Variants in PKIB observed in about 807,000 individuals in gnomAD.
The protein encoded by PKIB is cAMP-dependent protein kinase inhibitor beta, also known as PKI-beta.
In PKIB, 2 loss-of-function variants were observed where a neutral mutation model predicts 4.5. That is an observed-to-expected ratio of 0.44 (90% confidence interval 0.18 to 1.39). PKIB has a LOEUF of 1.39. Among genes scored for constraint, PKIB ranks in the 40% most tolerant of loss-of-function variants. PKIB has a pLI of 0.27. For missense variants in PKIB, 94 were observed against 92.6 expected (o/e 1.02, Z -0.06); for synonymous variants, 38 against 36.0 (o/e 1.06, Z -0.20).
At chr6:122,695,295 A>G (rs1778527702) in intron 3 of PKIB, among the ~76,000 whole-genome samples, 1 of 152,152 alleles carries the variant, frequency 6.6e-6, no homozygotes, top group African/African-American at 2.4e-5. Flanking sequence ...CCAATGAGAG[A>G]AGTATTTGTT....
chr6:122,509,112 T>G (rs2114576385), intron 2 of PKIB, among the ~76,000 whole-genome samples: 1 of 152,292 alleles, frequency 6.6e-6, no homozygotes, highest in East Asian at 1.9e-4. Flanking sequence ...GAAAAGTTAG[T>G]GTGGATAACT....
intron 3 of PKIB, among the ~76,000 whole-genome samples, chr6:122,704,507 C>CA (rs1342442268): frequency 6.6e-6 from 1 of 151,936 alleles, no homozygotes; most frequent in African/African-American, 2.4e-5. Context: ...TTTCAGTCAT[C>CA]AAAAAACTAT....
intron 2 of PKIB, among the ~76,000 whole-genome samples, chr6:122,575,205 C>G (rs1115331): frequency 0.11 from 17,233 of 152,004 alleles, 1,238 homozygotes; most frequent in East Asian, 0.21. Flanking sequence ...TAAGATATTA[C>G]CTTACTCTTG....
chr6:122,585,661 A>G (rs2114716013), intron 2 of PKIB: 1 of 152,136 alleles, frequency 6.6e-6, no homozygotes, highest in East Asian at 1.9e-4. Flanking sequence ...ATGTAAGTGA[A>G]CACTGCAAAT....
intron 2 of PKIB, among the ~76,000 whole-genome samples, chr6:122,524,294 CTCA>C (rs937627547): frequency 1.4e-5 from 2 of 146,506 alleles, no homozygotes; most frequent in African/African-American, 5.1e-5. Flanking sequence ...CCTTCTCCTC[CTCA>C]TCCTCTTTCT....
intron 2 of PKIB, among the ~76,000 whole-genome samples, chr6:122,654,755 C>A (rs545327459): frequency 2.0e-5 from 3 of 152,246 alleles, no homozygotes; most frequent in African/African-American, 7.2e-5. Flanking sequence ...GAATATATTA[C>A]ACTAGATTTC....
At chr6:122,634,993 A>G (rs912410497) in intron 2 of PKIB, among the ~76,000 whole-genome samples, 2 of 152,116 alleles carry the variant, frequency 1.3e-5, no homozygotes, top group Non-Finnish European at 2.9e-5. Flanking sequence ...TACTTTTATT[A>G]TAAAATAATT....
intron 2 of PKIB, among the ~76,000 whole-genome samples, chr6:122,652,167 GGTCA>G (rs1455399112): frequency 6.6e-6 from 1 of 151,868 alleles, no homozygotes; most frequent in Non-Finnish European, 1.5e-5. Context: ...AATCTGTATG[GGTCA>G]GTCAGGGCTC....
rs549961061 is a variant in PKIB, at chr6:122,474,103, G to A, written c.-337+2062G>A. On this transcript the variant is annotated intron_variant, in intron 1 of 6. Transcript: ENST00000392491. ...AGCTGGGATCGTGCCACTGCACTCC[G>A]GCCTAGGTGATAAGAGCAAAACTCT... Among the ~76,000 whole-genome samples the A allele has an allele frequency of 2.6e-5, 4 of 152,258 alleles. No individual in the cohort carries two copies. In the East Asian group the frequency reaches 5.8e-4, roughly 22 times the overall value.
intron 1 of PKIB, among the ~76,000 whole-genome samples, chr6:122,616,671 A>G (rs892758557): frequency 3.9e-5 from 6 of 151,982 alleles, no homozygotes; most frequent in African/African-American, 1.2e-4. Flanking sequence ...AATGTTTTCA[A>G]TCTGTAGTAG....
At chr6:122,514,903 G>A (rs1487242759) in intron 2 of PKIB, among the ~76,000 whole-genome samples, 1 of 152,192 alleles carries the variant, frequency 6.6e-6, no homozygotes, top group African/African-American at 2.4e-5. Context: ...AACCCATAGA[G>A]TGAAGTTATA....
intron 3 of PKIB, among the ~76,000 whole-genome samples, chr6:122,712,414 A>T (rs187897825): frequency 6.6e-6 from 1 of 152,206 alleles, no homozygotes; most frequent in African/African-American, 2.4e-5. Context: ...ACAGAAAATT[A>T]TATGAAATAA....
intron 2 of PKIB, among the ~76,000 whole-genome samples, chr6:122,573,158 A>G (rs535570596): frequency 2.0e-5 from 3 of 152,326 alleles, no homozygotes; most frequent in East Asian, 1.9e-4. Context: ...GAAAGGACAC[A>G]AGAGAAAAAG....
At chr6:122,688,971 CG>C (rs1407717139) in intron 3 of PKIB, among the ~76,000 whole-genome samples, 2 of 151,728 alleles carry the variant, frequency 1.3e-5, no homozygotes, top group African/African-American at 2.4e-5. Flanking sequence ...TTAGTAGAGA[CG>C]GGGTTTCACC....
chr6:122,710,571 GCTTA>G (rs1478054748), intron 3 of PKIB, among the ~76,000 whole-genome samples: 2 of 152,240 alleles, frequency 1.3e-5, no homozygotes, highest in African/African-American at 4.8e-5. Context: ...TCTGAAATTT[GCTTA>G]CTTATTTTCT....
chr6:122,717,554 G>T, intron 3 of PKIB: 3 of 466,042 alleles, frequency 6.4e-6, no homozygotes, highest in Non-Finnish European at 3.8e-6. Flanking sequence ...TGGCTCATTC[G>T]GCTCAGGGGT....
chr6:122,705,075 A>G (rs139038483), intron 3 of PKIB, among the ~76,000 whole-genome samples: 16 of 152,234 alleles, frequency 1.1e-4, no homozygotes, highest in African/African-American at 3.9e-4. Context: ...TATACCAGAA[A>G]AACACTATAG....
intron 2 of PKIB, among the ~76,000 whole-genome samples, chr6:122,649,695 C>A (rs1776474472): frequency 6.6e-6 from 1 of 152,134 alleles, no homozygotes; most frequent in Non-Finnish European, 1.5e-5. Context: ...TGATGGGCAG[C>A]TTAGATTTCA....
At chr6:122,614,847 C>T (rs1774920349) in intron 1 of PKIB, among the ~76,000 whole-genome samples, 1 of 152,020 alleles carries the variant, frequency 6.6e-6, no homozygotes, top group Non-Finnish European at 1.5e-5. Flanking sequence ...CATGCAATTA[C>T]ATTAGTGTAT....
Sources: gnomAD v4.1 joint callset for allele counts (sites outside exome capture counted in the v4.1 genomes callset) on GRCh38, gnomAD v4.1.1 for gene constraint, MANE v1.5 for transcripts, NCBI Gene and HGNC (gene_info 2026-07-23, HGNC 2026-07-21) for gene names.